Variants in PREX2 observed in about 807,000 individuals in gnomAD.
PREX2 encodes phosphatidylinositol 3,4,5-trisphosphate-dependent Rac exchanger 2 protein.
PREX2 carries 107 observed loss-of-function variants against 203.2 expected under a neutral mutation model. That is an observed-to-expected ratio of 0.53 (90% confidence interval 0.45 to 0.62). PREX2 has a LOEUF of 0.62. PREX2 is among the 20% of genes least tolerant of loss of function. The pLI, the probability that PREX2 is intolerant of heterozygous loss-of-function variation, is 0.00. For synonymous variants in PREX2, 672 were observed against 663.6 expected (o/e 1.01, Z -0.19); for missense variants, 1,777 against 1,955.9 (o/e 0.91, Z 1.72).
intron 35 of PREX2, among the ~76,000 whole-genome samples, chr8:68,189,038 A>AT (rs1372381827): frequency 6.6e-6 from 1 of 152,216 alleles, no homozygotes; most frequent in Non-Finnish European, 1.5e-5. Context: ...TAGTGGCAGA[A>AT]ATGAAATAAG....
At chr8:68,075,054 C>T (rs1473802780) in intron 14 of PREX2, among the ~76,000 whole-genome samples, 1 of 152,098 alleles carries the variant, frequency 6.6e-6, no homozygotes, top group Non-Finnish European at 1.5e-5. Context: ...CATTCAATTC[C>T]TGTACGTTGT....
chr8:68,189,254 A>G (rs907976720), intron 35 of PREX2, among the ~76,000 whole-genome samples: 3 of 152,234 alleles, frequency 2.0e-5, no homozygotes, highest in African/African-American at 7.2e-5. Flanking sequence ...TAGCAATAAT[A>G]TTTAAAACGT....
At chr8:68,189,605 A>G (rs1378372468) in intron 35 of PREX2, among the ~76,000 whole-genome samples, 2 of 152,200 alleles carry the variant, frequency 1.3e-5, no homozygotes, top group Non-Finnish European at 2.9e-5. Flanking sequence ...GTGCTTTTAT[A>G]GACACTAATT....
At chr8:67,970,196 G>C (rs994166294) in intron 1 of PREX2, among the ~76,000 whole-genome samples, 1 of 152,038 alleles carries the variant, frequency 6.6e-6, no homozygotes, top group South Asian at 2.1e-4. Context: ...AGTTAATCTC[G>C]ATCTGTTAAT....
At chr8:68,039,212 A>T (rs1395608216) in intron 7 of PREX2, among the ~76,000 whole-genome samples, 1 of 152,120 alleles carries the variant, frequency 6.6e-6, no homozygotes, top group Non-Finnish European at 1.5e-5. Flanking sequence ...CATGAGCAGC[A>T]TTCAACAAGA....
At chr8:68,206,488 G>A (rs1473864776) in intron 37 of PREX2, among the ~76,000 whole-genome samples, 2 of 152,144 alleles carry the variant, frequency 1.3e-5, no homozygotes, top group African/African-American at 2.4e-5. Context: ...GAGAATGATA[G>A]GGAGGACTAT....
rs1246623710 is a variant in PREX2, at chr8:67,952,487, C to A, written c.93C>A (p.Leu31=). 4 of 1,608,554 alleles carry A rather than the reference C, an allele frequency of 2.5e-6. No homozygotes were observed. Among genetic ancestry groups the A allele is most frequent in the Non-Finnish European group, 3.4e-6 (4 of 1,177,648 alleles). ...TGCGCGTGTGCGTGCTCAGCGAGCT[C>A]CAGAAGACCGAGCGGGACTATGTGG... ...LRLRVCVLSE[L]QKTERDYVGT... is the part of the protein sequence containing the mutation. The change falls in exon 1 of 40, where the codon CTC becomes CTA. Residue 31 remains leucine, a synonymous_variant. Transcript: ENST00000288368.
chr8:68,128,667 G>C (rs62522676), intron 31 of PREX2, among the ~76,000 whole-genome samples: 21,887 of 152,196 alleles, frequency 0.14, 1,918 homozygotes, highest in Middle Eastern at 0.32. Flanking sequence ...GATTTGCAGG[G>C]TTCCAGGAAG....
At chr8:67,990,111 A>C (rs1366827200) in intron 1 of PREX2, among the ~76,000 whole-genome samples, 1 of 151,668 alleles carries the variant, frequency 6.6e-6, no homozygotes, top group African/African-American at 2.4e-5. Flanking sequence ...TCAGCCTCCC[A>C]GGTAGCTGGG....
intron 39 of PREX2, among the ~76,000 whole-genome samples, chr8:68,226,966 C>T (rs999910578): frequency 1.3e-5 from 2 of 152,070 alleles, no homozygotes; most frequent in Non-Finnish European, 2.9e-5. Flanking sequence ...ATGCCTAGAC[C>T]TCAATGACTG....
chr8:68,042,904 A>G (rs1485229032), intron 7 of PREX2, among the ~76,000 whole-genome samples: 5 of 152,098 alleles, frequency 3.3e-5, no homozygotes, highest in Non-Finnish European at 7.4e-5. Context: ...AAAAATTGAT[A>G]TATTGAAAAT....
At chr8:68,162,707 G>T (rs975858035) in intron 35 of PREX2, among the ~76,000 whole-genome samples, 1 of 152,086 alleles carries the variant, frequency 6.6e-6, no homozygotes, top group African/African-American at 2.4e-5. Flanking sequence ...TCCCAGCATG[G>T]CCAGGAGGAA....
At chr8:68,216,547 G>A (rs2030743) in intron 37 of PREX2, among the ~76,000 whole-genome samples, 53,379 of 151,944 alleles carry the variant, frequency 0.35, 14,380 homozygotes, top group East Asian at 0.86. Flanking sequence ...GTTCTTTTTA[G>A]TGCATGCAAA....
At position 68,136,925 on chromosome 8, in the gene PREX2, A is replaced by T. The variant is rs566760806; in HGVS notation, c.3985-1490A>T. ...TTACAGCAACTTTTTTTTTTTTTTG[A>T]GACAGAGTCTCACTCTGTCACCCAG... is the stretch of plus-strand genomic sequence containing the variant. On this transcript the variant is annotated intron_variant, in intron 32 of 39. Coordinates refer to ENST00000288368, the MANE Select transcript of PREX2 (RefSeq NM_024870.4). Among the ~76,000 whole-genome samples, 282 of 148,266 alleles carry T rather than the reference A, an allele frequency of 1.9e-3. 3 individuals are homozygous for T. The highest frequency in any genetic ancestry group is 0.018 in the East Asian group (91 of 5,034).
intron 14 of PREX2, among the ~76,000 whole-genome samples, chr8:68,073,963 C>T (rs771712759): frequency 1.3e-5 from 2 of 151,610 alleles, no homozygotes; most frequent in East Asian, 1.9e-4. Flanking sequence ...TGCTCAAAAA[C>T]GGCCAAGTTG....
At chr8:68,111,663 T>C (rs1810537662) in intron 25 of PREX2, among the ~76,000 whole-genome samples, 1 of 152,176 alleles carries the variant, frequency 6.6e-6, no homozygotes. Flanking sequence ...ACCTTGGTCT[T>C]CTTTGGGTAC....
chr8:68,131,309 G>A (rs1360112172), intron 31 of PREX2, among the ~76,000 whole-genome samples: 1 of 152,170 alleles, frequency 6.6e-6, no homozygotes, highest in Admixed American at 6.6e-5. Flanking sequence ...AAGTTAACTT[G>A]AAAAGCTCTT....
At chr8:67,984,174 T>G (rs1806348559) in intron 1 of PREX2, among the ~76,000 whole-genome samples, 1 of 152,212 alleles carries the variant, frequency 6.6e-6, no homozygotes, top group Non-Finnish European at 1.5e-5. Context: ...AACTGATCAC[T>G]CCATCTTCTC....
intron 37 of PREX2, among the ~76,000 whole-genome samples, chr8:68,201,085 T>C (rs1028368240): frequency 1.5e-4 from 23 of 152,184 alleles, no homozygotes; most frequent in African/African-American, 5.3e-4. Context: ...ACTGAAGTTA[T>C]TGTCTTTTCT....
Sources: gnomAD v4.1 joint callset for allele counts (sites outside exome capture counted in the v4.1 genomes callset) on GRCh38, gnomAD v4.1.1 for gene constraint, MANE v1.5 for transcripts, NCBI Gene and HGNC (gene_info 2026-07-23, HGNC 2026-07-21) for gene names.